Variants in CGGBP1 observed in about 807,000 individuals in gnomAD.
The protein encoded by CGGBP1 is CGG triplet repeat-binding protein 1.
In CGGBP1, 4 loss-of-function variants were observed where a neutral mutation model predicts 11.4. The ratio of observed to expected loss-of-function variants is 0.35; its 90% CI spans 0.17 to 0.80. The LOEUF (loss-of-function observed/expected upper bound fraction) is 0.80, where lower values mean the gene tolerates loss of function less well. Ranked by LOEUF, CGGBP1 falls within the 30% of genes least tolerant of loss-of-function variation. CGGBP1 has a pLI of 0.52. For synonymous variants in CGGBP1, 76 were observed against 74.1 expected, an observed-to-expected ratio of 1.03 and a Z score of -0.13; for missense variants, 135 against 202.1, an observed-to-expected ratio of 0.67 and a Z score of 2.01.
At chr3:88,093,581 G>T (rs1703876111) in intron 2 of CGGBP1, among the ~76,000 whole-genome samples, 1 of 152,168 alleles carries the variant, frequency 6.6e-6, no homozygotes, top group African/African-American at 2.4e-5. Context: ...TTGTCTTCAT[G>T]GAGCTAAGTG....
intron 2 of CGGBP1, among the ~76,000 whole-genome samples, chr3:88,133,452 G>T (rs1457107566): frequency 6.6e-6 from 1 of 152,182 alleles, no homozygotes; most frequent in East Asian, 1.9e-4. Context: ...TGATAGGCAT[G>T]AAATCAGTAA....
intron 2 of CGGBP1, among the ~76,000 whole-genome samples, chr3:88,098,652 C>A (rs1704211226): frequency 1.3e-5 from 2 of 152,186 alleles, no homozygotes; most frequent in Admixed American, 6.5e-5. Flanking sequence ...TGGGCTTCAT[C>A]CCTGGGATGC....
intron 2 of CGGBP1, among the ~76,000 whole-genome samples, chr3:88,076,606 T>A (rs1309625219): frequency 6.6e-6 from 1 of 152,232 alleles, no homozygotes; most frequent in Non-Finnish European, 1.5e-5. Context: ...ACAAATTTAG[T>A]TCTTGAAACC....
chr3:88,058,888 A>G lies in CGGBP1; in HGVS notation c.-404T>C, dbSNP rs1473896087. Reference sequence around the variant, plus strand: ...AAGGAAAAGAAAAGGAAGAAAGAGGAGCAAGGGAATAAGGGAGGAGGAGGA... The same window carrying G: ...AAGGAAAAGAAAAGGAAGAAAGAGGGGCAAGGGAATAAGGGAGGAGGAGGA... On this transcript the variant is annotated 5_prime_UTR_variant, in exon 1 of 4. Transcript: ENST00000482016. 1 of 164,916 alleles carries G rather than the reference A, an allele frequency of 6.1e-6. No homozygotes were observed. Among genetic ancestry groups the G allele is most frequent in the Non-Finnish European group, 1.3e-5 (1 of 76,872 alleles). 10.2% of individuals were successfully genotyped at this position (164,916 alleles called of 1,614,324 possible). A position where few individuals can be genotyped will look rare whatever the true frequency, so the allele number is the denominator to read the frequency against.
chr3:88,055,656 A>C lies in CGGBP1; in HGVS notation c.321T>G (p.Phe107Leu). Residue 107 changes from phenylalanine (F) to leucine (L), a missense_variant, in exon 4 of 4, where the codon TTT becomes TTG. Phe to Leu is a conservative substitution (Grantham distance 22, BLOSUM62 0). Transcript: ENST00000482016. This position sits in a 1 kb window ranked among gnomAD's most constrained non-coding sequence, Gnocchi z 4.2. Reference sequence around the variant, plus strand: ...TGTTGGCTTCCAGGCACATTTTCACAAAGTCCTGGATAACACTGACTTTCT... The same window carrying C: ...TGTTGGCTTCCAGGCACATTTTCACCAAGTCCTGGATAACACTGACTTTCT... ...QTEKVSVIQD[F>L]VKMCLEANIP... 3 of 1,614,220 alleles carry C rather than the reference A, an allele frequency of 1.9e-6. No individual in the cohort carries two copies. The highest frequency in any genetic ancestry group is 2.5e-6 in the Non-Finnish European group (3 of 1,180,032).
At chr3:88,099,551 C>T (rs1257938029) in intron 2 of CGGBP1, among the ~76,000 whole-genome samples, 3 of 56,078 alleles carry the variant, frequency 5.3e-5, no homozygotes, top group African/African-American at 1.2e-4. Flanking sequence ...AAGCTGGAGG[C>T]ATCACACTAC....
At chr3:88,118,344 A>G (rs559675455) in intron 2 of CGGBP1, among the ~76,000 whole-genome samples, 2 of 152,216 alleles carry the variant, frequency 1.3e-5, no homozygotes, top group Admixed American at 6.5e-5. Context: ...GCTCAACGCT[A>G]TCTCACTGCG....
At position 88,149,834 on chromosome 3, in the gene CGGBP1, TG is replaced by T. The variant is rs573448522; in HGVS notation, c.-462del. The stretch of plus-strand genomic sequence containing the variant: ...CAGCACTTCCCTTAATTGAGATACG[TG>T]GGACTTCACTCCGTCCCCAGCCCGG... On this transcript the variant is annotated 5_prime_UTR_variant, in exon 1 of 4. Coordinates refer to the CGGBP1 transcript ENST00000462901. The T allele has an allele frequency of 1.6e-3, 904 of 574,484 alleles. 14 individuals carry two copies. In the South Asian group the frequency reaches 0.017, roughly 11 times the overall value. 35.6% of individuals were successfully genotyped at this position (574,484 alleles called of 1,614,324 possible).
chr3:88,120,154 T>C (rs1705680678), intron 2 of CGGBP1, among the ~76,000 whole-genome samples: 1 of 152,178 alleles, frequency 6.6e-6, no homozygotes, highest in African/African-American at 2.4e-5. Context: ...TTAAAAATTA[T>C]TAATCCAATT....
rs945994999 is a variant in CGGBP1 at position 88,140,627 on chromosome 3, A to G, written c.-229+343T>C. Reference sequence around the variant, plus strand: ...ATGGACACAGTGAAATAGAGCAAACACCTTTAGTTTCATCAGATCCTGCTT... The same window carrying G: ...ATGGACACAGTGAAATAGAGCAAACGCCTTTAGTTTCATCAGATCCTGCTT... On this transcript the variant is annotated intron_variant, in intron 2 of 3. Transcript: ENST00000462901. The G allele has an allele frequency of 2.5e-6, 4 of 1,613,606 alleles. No homozygotes were observed. In the African/African-American group the frequency reaches 5.3e-5, roughly 22 times the overall value.
At chr3:88,141,292 T>C (rs1216841056) in intron 1 of CGGBP1, among the ~76,000 whole-genome samples, 1 of 152,032 alleles carries the variant, frequency 6.6e-6, no homozygotes, top group Non-Finnish European at 1.5e-5. Context: ...TATGAACTTG[T>C]GCAAGGCAGA....
intron 2 of CGGBP1, among the ~76,000 whole-genome samples, chr3:88,118,435 C>T (rs1171289950): frequency 6.6e-6 from 1 of 152,122 alleles, no homozygotes; most frequent in African/African-American, 2.4e-5. Flanking sequence ...AGCCCACCCT[C>T]CTTTGTGGGG....
chr3:88,148,155 T>G (rs1707342945), intron 1 of CGGBP1, among the ~76,000 whole-genome samples: 2 of 152,198 alleles, frequency 1.3e-5, no homozygotes, highest in Admixed American at 6.5e-5. Flanking sequence ...TCAACCTGTA[T>G]AAAGTACTAA....
rs374934253 is a variant in CGGBP1, at chr3:88,140,868, A to C, written c.-229+102T>G. On this transcript the variant is annotated intron_variant, in intron 2 of 3. Coordinates refer to the CGGBP1 transcript ENST00000462901. Reference sequence around the variant, plus strand: ...ACGGTATCTTAGTATGCCAAAACGCAGAAAATTTCTGACTGATAGAGTAGA... The same window carrying C: ...ACGGTATCTTAGTATGCCAAAACGCCGAAAATTTCTGACTGATAGAGTAGA... 294 of 1,613,578 alleles carry C rather than the reference A, an allele frequency of 1.8e-4. 1 individual carries two copies. The highest frequency in any genetic ancestry group is 2.3e-4 in the Non-Finnish European group (267 of 1,179,698).
At chr3:88,091,024 A>G (rs1043656521) in intron 2 of CGGBP1, among the ~76,000 whole-genome samples, 2 of 152,226 alleles carry the variant, frequency 1.3e-5, no homozygotes, top group African/African-American at 2.4e-5. Flanking sequence ...ATACACAAAT[A>G]CTATTGTTAC....
chr3:88,108,756 T>C (rs997530877), intron 2 of CGGBP1, among the ~76,000 whole-genome samples: 1 of 152,072 alleles, frequency 6.6e-6, no homozygotes, highest in African/African-American at 2.4e-5. Context: ...AGAGTAGTGA[T>C]GCCAGTAATT....
intron 2 of CGGBP1, among the ~76,000 whole-genome samples, chr3:88,077,955 T>C (rs1332805087): frequency 7.9e-5 from 12 of 152,190 alleles, no homozygotes; most frequent in Admixed American, 7.9e-4. Flanking sequence ...TAGGTGACTA[T>C]TATGAATGTA....
At chr3:88,137,892 G>T (rs949440875) in intron 2 of CGGBP1, among the ~76,000 whole-genome samples, 8 of 151,712 alleles carry the variant, frequency 5.3e-5, no homozygotes, top group African/African-American at 1.7e-4. Flanking sequence ...TAGGCAGTAT[G>T]ATATATATAC....
intron 2 of CGGBP1, among the ~76,000 whole-genome samples, chr3:88,123,011 CAAAAAAA>C (rs1289535548): frequency 2.6e-5 from 2 of 76,148 alleles, no homozygotes; most frequent in Admixed American, 2.9e-4. Flanking sequence ...CTCTGAGTCT[CAAAAAAA>C]AAAAAAAAGT....
Sources: allele counts gnomAD v4.1 joint callset (sites outside exome capture counted in the v4.1 genomes callset), GRCh38; gene constraint gnomAD v4.1.1; non-coding constraint Gnocchi (gnomAD v3.1); transcripts MANE v1.5; gene names NCBI Gene and HGNC (gene_info 2026-07-23, HGNC 2026-07-21).